FBXL13: variants seen among roughly 807,000 people sequenced by gnomAD.
The protein encoded by FBXL13 is F-box and leucine rich repeat protein 13.
FBXL13 carries 67 observed loss-of-function variants against 83.6 expected under a neutral mutation model. The ratio of observed to expected loss-of-function variants is 0.80; its 90% CI spans 0.66 to 0.98. FBXL13 has a LOEUF of 0.98. Ranked by LOEUF, FBXL13 falls within the 50% of genes least tolerant of loss-of-function variation. The pLI, the probability that FBXL13 is intolerant of heterozygous loss-of-function variation, is 0.00. For missense variants in FBXL13, 822 were observed against 866.5 expected (o/e 0.95, Z 0.64); for synonymous variants, 272 against 299.5 (o/e 0.91, Z 0.95).
At chr7:102,844,069 G>A (rs970318609) in intron 17 of FBXL13, among the ~76,000 whole-genome samples, 3 of 152,220 alleles carry the variant, frequency 2.0e-5, no homozygotes, top group African/African-American at 4.8e-5. Context: ...AAACACAAGA[G>A]AGCAGATGAG....
intron 11 of FBXL13, among the ~76,000 whole-genome samples, chr7:102,890,012 G>T (rs1811336138): frequency 1.3e-5 from 2 of 151,624 alleles, no homozygotes; most frequent in Non-Finnish European, 2.9e-5. Flanking sequence ...GGGGGTGGGG[G>T]GTAGGGCTCT....
At chr7:102,829,011 G>T (rs114462687) in intron 18 of FBXL13, among the ~76,000 whole-genome samples, 1 of 152,174 alleles carries the variant, frequency 6.6e-6, no homozygotes. Context: ...AGGATAGGGG[G>T]TACTGACTGG....
At position 103,003,118 on chromosome 7, in the gene FBXL13, A is replaced by C. The variant is rs148743753; in HGVS notation, c.495+21945T>G. Reference sequence around the variant, plus strand: ...TCTTTAATTCTTTCTTTTCCTTTGCATATTTTCACATTGCCTGTCTTTGAA... The same window carrying C: ...TCTTTAATTCTTTCTTTTCCTTTGCCTATTTTCACATTGCCTGTCTTTGAA... On this transcript the variant is annotated intron_variant, in intron 6 of 19. Transcript: ENST00000313221. 2.1e-3 allele frequency among the ~76,000 whole-genome samples: 321 copies of C among 151,466 alleles called. 1 individual carries two copies. The highest frequency in any genetic ancestry group is 3.6e-3 in the Non-Finnish European group (245 of 67,886).
intron 19 of FBXL13, among the ~76,000 whole-genome samples, chr7:102,817,310 G>A (rs1006877882): frequency 6.6e-6 from 1 of 152,062 alleles, no homozygotes; most frequent in Admixed American, 6.6e-5. Context: ...TGATTGGTGC[G>A]AGATGATACT....
intron 2 of FBXL13, among the ~76,000 whole-genome samples, chr7:103,034,361 G>A (rs1487603154): frequency 6.6e-6 from 1 of 152,216 alleles, no homozygotes; most frequent in Non-Finnish European, 1.5e-5. Flanking sequence ...GCTCAGGCAT[G>A]GCGGACTGCA....
rs906440095 is a variant in FBXL13, at chr7:102,973,343, G to A, written c.496-5226C>T. 79 of 632,818 alleles carry A rather than the reference G, an allele frequency of 1.2e-4. No individual in the cohort carries two copies. In the Admixed American group the frequency reaches 1.7e-3, roughly 13 times the overall value. The allele number at this position is 632,818 out of a possible 1,614,324, so 39.2% of individuals were successfully genotyped here. A position where few individuals can be genotyped will look rare whatever the true frequency, so the allele number is the denominator to read the frequency against. ...AGATAGCAGAAGCAGGAAGAGAGCCGGCCAGAAGACACCTACCCTGGCCGG... is the reference window on the plus strand; with the variant it reads ...AGATAGCAGAAGCAGGAAGAGAGCCAGCCAGAAGACACCTACCCTGGCCGG... On this transcript the variant is annotated intron_variant, in intron 6 of 19. Transcript: ENST00000313221.
intron 11 of FBXL13, among the ~76,000 whole-genome samples, chr7:102,908,883 C>T (rs1814189575): frequency 6.6e-6 from 1 of 152,192 alleles, no homozygotes; most frequent in Non-Finnish European, 1.5e-5. Context: ...CCAAGGCCTG[C>T]TGTAACCACT....
chr7:103,068,990 A>G (rs1798656438), intron 1 of FBXL13, among the ~76,000 whole-genome samples: 1 of 151,736 alleles, frequency 6.6e-6, no homozygotes, highest in African/African-American at 2.4e-5. Flanking sequence ...ACCTCTGCCC[A>G]GCCGCCCCAC....
chr7:103,069,317 G>A (rs1585654352), intron 1 of FBXL13, among the ~76,000 whole-genome samples: 1 of 152,238 alleles, frequency 6.6e-6, no homozygotes, highest in Non-Finnish European at 1.5e-5. Flanking sequence ...CCCGGCCGTT[G>A]TGCAACCCTC....
intron 2 of FBXL13, chr7:103,031,384 G>C (rs1255688369): frequency 1.3e-5 from 2 of 152,182 alleles, no homozygotes; most frequent in Admixed American, 6.5e-5. Context: ...GCACAGAGTA[G>C]GAGCTCAACA....
intron 17 of FBXL13, among the ~76,000 whole-genome samples, chr7:102,837,735 G>T (rs1802249022): frequency 6.6e-6 from 1 of 152,104 alleles, no homozygotes; most frequent in South Asian, 2.1e-4. Context: ...TAGAGACAGG[G>T]TCTCACTATG....
intron 2 of FBXL13, among the ~76,000 whole-genome samples, chr7:103,029,694 T>C (rs760501307): frequency 1.8e-4 from 28 of 152,284 alleles, no homozygotes; most frequent in Admixed American, 1.2e-3. Flanking sequence ...ATGGCATTGT[T>C]ATGATAAGCT....
chr7:102,875,474 T>A (rs1809098274), intron 16 of FBXL13, among the ~76,000 whole-genome samples: 1 of 152,104 alleles, frequency 6.6e-6, no homozygotes. Flanking sequence ...ACCTTCTCAC[T>A]TTCTATCCAG....
chr7:102,922,933 G>A (rs1172366192), intron 10 of FBXL13, among the ~76,000 whole-genome samples: 5 of 152,074 alleles, frequency 3.3e-5, no homozygotes, highest in African/African-American at 7.2e-5. Flanking sequence ...AGCTGAGATC[G>A]CGCCACTGCA....
At chr7:102,956,113 A>G (rs1324910151) in intron 8 of FBXL13, among the ~76,000 whole-genome samples, 1 of 152,162 alleles carries the variant, frequency 6.6e-6, no homozygotes, top group Non-Finnish European at 1.5e-5. Context: ...TCCCTGATGA[A>G]TATCGATGCA....
At chr7:102,912,677 C>A (rs1277058859) in intron 11 of FBXL13, among the ~76,000 whole-genome samples, 1 of 136,100 alleles carries the variant, frequency 7.3e-6, no homozygotes, top group Admixed American at 7.4e-5. Flanking sequence ...TTTTACCCCC[C>A]CCCCCCCAAA....
At chr7:102,817,608 G>A (rs913107398) in intron 19 of FBXL13, among the ~76,000 whole-genome samples, 3 of 151,872 alleles carry the variant, frequency 2.0e-5, no homozygotes, top group African/African-American at 4.8e-5. Flanking sequence ...ATTTTGAATC[G>A]TATCAGGAAA....
intron 8 of FBXL13, among the ~76,000 whole-genome samples, chr7:102,956,959 CCA>C (rs1225084130): frequency 3.9e-5 from 6 of 152,214 alleles, no homozygotes; most frequent in African/African-American, 1.4e-4. Context: ...GCCATACTGC[CCA>C]GGGTAATTTA....
At chr7:103,041,556 C>T (rs191819817) in intron 2 of FBXL13, among the ~76,000 whole-genome samples, 21 of 152,240 alleles carry the variant, frequency 1.4e-4, no homozygotes, top group Admixed American at 1.2e-3. Flanking sequence ...TGATGAACAT[C>T]AATGTGAAAA....
Sources: allele counts gnomAD v4.1 joint callset (sites outside exome capture counted in the v4.1 genomes callset), GRCh38; gene constraint gnomAD v4.1.1; transcripts MANE v1.5; gene names NCBI Gene and HGNC (gene_info 2026-07-23, HGNC 2026-07-21).